Variants in EPG5 observed in about 807,000 individuals in gnomAD.
The protein encoded by EPG5 is ectopic P granules protein 5 homolog.
A neutral mutation model predicts 302.7 loss-of-function variants in EPG5; 159 were observed. The observed-to-expected ratio is 0.53, with a 90% confidence interval of 0.46 to 0.60. The LOEUF (loss-of-function observed/expected upper bound fraction) is 0.60. Among genes scored for constraint, EPG5 ranks in the 20% least tolerant of loss-of-function variants. The pLI is 0.00. For synonymous variants in EPG5, 1,158 were observed against 1,136.8 expected, an observed-to-expected ratio of 1.02 and a Z score of -0.37; for missense variants, 2,896 against 3,092.4, an observed-to-expected ratio of 0.94 and a Z score of 1.51.
At chr18:45,945,514 C>T (rs1205789872) in intron 7 of EPG5, among the ~76,000 whole-genome samples, 1 of 152,110 alleles carries the variant, frequency 6.6e-6, no homozygotes, top group African/African-American at 2.4e-5. Context: ...AGCCAGGCAC[C>T]AATGCAGGGT....
In EPG5 at chr18:45,860,359, T is replaced by C. The variant is rs747750754; in HGVS notation, c.6767-13A>G. 5.6e-6 allele frequency: 9 copies of C among 1,614,130 alleles called. No individual in the cohort carries two copies. Among genetic ancestry groups the C allele is most frequent in the Non-Finnish European group, 7.6e-6 (9 of 1,179,960 alleles). ...TGGCTGTCCATGTCTGAAAGGAATA[T>C]AGACACACTCAAGAATGGCTGCCAG... On this transcript the variant is annotated splice_polypyrimidine_tract_variant and intron_variant, in intron 39 of 43. Coordinates refer to ENST00000282041, the MANE Select transcript of EPG5 (RefSeq NM_020964.3).
Position 45,928,947 on chromosome 18 carries a change from C to A in EPG5, c.2475G>T (p.Gly825=). ...TFSKVGRELL[G]TITAVHPEII... Reference sequence around the variant, plus strand: ...TCTCAGGGTGAACAGCTGTGATAGTCCCTAAAAGCTCTCGACCAACCTTTG... The same window carrying A: ...TCTCAGGGTGAACAGCTGTGATAGTACCTAAAAGCTCTCGACCAACCTTTG... Residue 825 remains glycine (G), a synonymous_variant, in exon 13 of 44, where the codon GGG becomes GGT. Transcript: ENST00000282041. 1 of 1,613,756 alleles carries A rather than the reference C, an allele frequency of 6.2e-7. No individual in the cohort carries two copies. Among genetic ancestry groups the A allele is most frequent in the Non-Finnish European group, 8.5e-7 (1 of 1,179,724 alleles).
the EPG5 span, among the ~76,000 whole-genome samples, chr18:45,808,659 T>C: frequency 6.6e-6 from 1 of 152,106 alleles, no homozygotes; most frequent in Non-Finnish European, 1.5e-5. Flanking sequence ...GATAGTCTTT[T>C]TCAAACAAAT....
chr18:45,860,836 A>C (rs2145214935), intron 39 of EPG5, among the ~76,000 whole-genome samples: 1 of 152,274 alleles, frequency 6.6e-6, no homozygotes, highest in Non-Finnish European at 1.5e-5. Flanking sequence ...GTAAGGAAAA[A>C]CCTTTGTAAA....
At chr18:45,890,413 A>G (rs2049316354) in intron 27 of EPG5, among the ~76,000 whole-genome samples, 1 of 152,170 alleles carries the variant, frequency 6.6e-6, no homozygotes, top group African/African-American at 2.4e-5. Flanking sequence ...CAAACAACAA[A>G]ATAAGATAAA....
chr18:45,893,124 C>T (rs955180131), intron 27 of EPG5, among the ~76,000 whole-genome samples: 10 of 152,104 alleles, frequency 6.6e-5, no homozygotes, highest in Non-Finnish European at 1.2e-4. Context: ...AACGACCTGG[C>T]AATATTGAAT....
At chr18:45,811,955 T>C in the EPG5 span, among the ~76,000 whole-genome samples, 569 of 152,172 alleles carry the variant, frequency 3.7e-3, 4 homozygotes, top group African/African-American at 0.013. Flanking sequence ...GGTATTCAAT[T>C]AGGAAAAGAG....
chr18:45,882,557 G>A, intron 30 of EPG5, 70 bp from the exon 31 acceptor site: 1 of 1,322,792 alleles, frequency 7.6e-7, no homozygotes, highest in Non-Finnish European at 1.0e-6. Flanking sequence ...AGAGAGGTCT[G>A]TGTAAATTTA....
intron 43 of EPG5, chr18:45,855,246 TC>T: frequency 5.2e-6 from 1 of 193,612 alleles, no homozygotes; most frequent in Non-Finnish European, 1.1e-5. Context: ...GAGATCCCAG[TC>T]CCCAGCTCCA....
At chr18:45,892,892 G>T (rs2049383854) in intron 27 of EPG5, among the ~76,000 whole-genome samples, 1 of 151,964 alleles carries the variant, frequency 6.6e-6, no homozygotes, top group Admixed American at 6.6e-5. Context: ...AAAATCTGAA[G>T]TCATTTCCCA....
intron 1 of EPG5, among the ~76,000 whole-genome samples, chr18:45,955,775 T>C (rs2051015466): frequency 6.6e-6 from 1 of 152,160 alleles, no homozygotes; most frequent in South Asian, 2.1e-4. Flanking sequence ...TTGAGCAACA[T>C]AACAATTGTA....
intron 38 of EPG5, 28 bp downstream of exon 38, chr18:45,866,766 GTCTC>G (rs1223866568): frequency 4.5e-6 from 7 of 1,543,478 alleles, no homozygotes; most frequent in Non-Finnish European, 5.4e-6. Flanking sequence ...TCCAGGAACA[GTCTC>G]TGCCTTTTAA....
chr18:45,822,320 G>A, the EPG5 span, among the ~76,000 whole-genome samples: 4 of 152,102 alleles, frequency 2.6e-5, no homozygotes, highest in African/African-American at 7.2e-5. Context: ...ATTCTCACTC[G>A]TATGCAGAAG....
At chr18:45,857,530 G>T (rs969457940) in intron 42 of EPG5, among the ~76,000 whole-genome samples, 3 of 152,066 alleles carry the variant, frequency 2.0e-5, no homozygotes, top group Admixed American at 6.5e-5. Context: ...AACTATGCTC[G>T]CATACCGTCC....
At chr18:45,839,171 T>C in the EPG5 span, 1 of 1,335,038 alleles carries the variant, frequency 7.5e-7, no homozygotes, top group Non-Finnish European at 9.5e-7. Context: ...ACCACCTGGC[T>C]GACCCCCTGG....
intron 1 of EPG5, among the ~76,000 whole-genome samples, chr18:45,965,910 G>A (rs892422706): frequency 2.0e-5 from 3 of 151,760 alleles, no homozygotes; most frequent in African/African-American, 7.3e-5. Flanking sequence ...AAAATTAGCC[G>A]TGTGTGGTGG....
chr18:45,885,558 A>G (rs1030957760), intron 29 of EPG5, among the ~76,000 whole-genome samples: 2 of 152,162 alleles, frequency 1.3e-5, no homozygotes, highest in African/African-American at 4.8e-5. Flanking sequence ...ATAATAATAT[A>G]TAATCAAGAT....
chr18:45,939,798 A>G, intron 9 of EPG5, 43 bp from the exon 10 acceptor site: 1 of 1,552,558 alleles, frequency 6.4e-7, no homozygotes, highest in African/African-American at 1.4e-5. Context: ...CATTAGCTCA[A>G]TATCTGCACC....
chr18:45,932,120 T>C (rs2050408141), intron 11 of EPG5, among the ~76,000 whole-genome samples: 1 of 151,952 alleles, frequency 6.6e-6, no homozygotes, highest in East Asian at 1.9e-4. Flanking sequence ...CTAACGTATA[T>C]TGTGAAAGGA....
Sources: gnomAD v4.1 joint callset for allele counts (sites outside exome capture counted in the v4.1 genomes callset) on GRCh38, gnomAD v4.1.1 for gene constraint, MANE v1.5 for transcripts, NCBI Gene and HGNC (gene_info 2026-07-23, HGNC 2026-07-21) for gene names.